Variants in TENM1 observed in about 807,000 individuals in gnomAD.
The protein encoded by TENM1 is teneurin-1.
TENM1 carries 35 observed loss-of-function variants against 174.8 expected under a neutral mutation model. That is an observed-to-expected ratio of 0.20 (90% CI 0.15 to 0.27). The LOEUF (loss-of-function observed/expected upper bound fraction) is 0.27, where lower values mean the gene tolerates loss of function less well. Ranked by LOEUF, TENM1 falls within the 10% of genes least tolerant of loss-of-function variation. The probability of loss-of-function intolerance (pLI) is 1.00; values close to 1 mark genes in which losing one functional copy is unlikely to be tolerated. For missense variants in TENM1, 1,633 were observed against 2,130.1 expected, an observed-to-expected ratio of 0.77 and a Z score of 4.59; for synonymous variants, 781 against 798.7, an observed-to-expected ratio of 0.98 and a Z score of 0.37.
At chrX:125,012,039 A>G in the TENM1 span, among the ~76,000 whole-genome samples, 6 of 111,791 alleles carry the variant, frequency 5.4e-5, no homozygotes, top group Middle Eastern at 4.6e-3. Context: ...TTGCAGGGAC[A>G]TGGATGAAAC....
chrX:124,527,859 T>C (rs1402610767), intron 16 of TENM1, among the ~76,000 whole-genome samples: 1 of 102,022 alleles, frequency 9.8e-6, no homozygotes, highest in Non-Finnish European at 2.0e-5. Context: ...GGTTTCACCG[T>C]GTTAGCCAGG....
At chrX:124,875,155 A>G (rs1363073530) in intron 3 of TENM1, among the ~76,000 whole-genome samples, 3 of 111,389 alleles carry the variant, frequency 2.7e-5, no homozygotes, top group African/African-American at 6.5e-5. Context: ...AGAAAAAAGT[A>G]TGGCTTTCTA....
intron 20 of TENM1, among the ~76,000 whole-genome samples, chrX:124,487,640 G>A (rs1569534268): frequency 1.8e-5 from 2 of 111,546 alleles, no homozygotes; most frequent in African/African-American, 3.3e-5. Flanking sequence ...TGGCAATTCT[G>A]ATGCAAAATA....
intron 1 of TENM1, among the ~76,000 whole-genome samples, chrX:124,939,763 T>C (rs999719992): frequency 8.9e-6 from 1 of 111,902 alleles, no homozygotes; most frequent in Non-Finnish European, 1.9e-5. Flanking sequence ...TTCTTCCCTC[T>C]GTCTGAATAA....
intron 3 of TENM1, among the ~76,000 whole-genome samples, chrX:124,756,880 T>C (rs1468795847): frequency 9.0e-6 from 1 of 111,572 alleles, no homozygotes; most frequent in Non-Finnish European, 1.9e-5. Context: ...CCCGGCCGTG[T>C]GAGGTGTCAG....
chrX:125,154,856 G>A, the TENM1 span, among the ~76,000 whole-genome samples: 5 of 110,311 alleles, frequency 4.5e-5, no homozygotes, highest in Non-Finnish European at 9.5e-5. Flanking sequence ...CGGTGCGTTC[G>A]TGGTCTCGCT....
intron 3 of TENM1, among the ~76,000 whole-genome samples, chrX:124,738,144 T>C (rs2053719646): frequency 8.9e-6 from 1 of 111,856 alleles, no homozygotes; most frequent in Non-Finnish European, 1.9e-5. Flanking sequence ...AGGAGAAACA[T>C]AATAGATGTC....
intron 22 of TENM1, among the ~76,000 whole-genome samples, chrX:124,475,462 C>T (rs905679194): frequency 9.0e-6 from 1 of 111,673 alleles, no homozygotes; most frequent in African/African-American, 3.3e-5. Context: ...GTGAGCTTCA[C>T]CAGTGATATT....
intron 3 of TENM1, among the ~76,000 whole-genome samples, chrX:124,822,913 T>G (rs1175467698): frequency 2.7e-5 from 3 of 112,193 alleles, no homozygotes; most frequent in Non-Finnish European, 5.6e-5. Flanking sequence ...TCCTGCTATC[T>G]TATGTCTTAT....
In TENM1 at chrX:124,896,342, A is replaced by C; in HGVS notation, c.218-101T>G. The C allele has an allele frequency of 4.3e-6, 4 of 923,439 alleles. No homozygotes were observed. The South Asian group carries it at 9.8e-5, about 23-fold the overall frequency. The allele number at this position is 923,439 out of a possible 1,213,427, so 76.1% of individuals were successfully genotyped here. A position where few individuals can be genotyped will look rare whatever the true frequency, so the allele number is the denominator to read the frequency against. Reference sequence around the variant, plus strand: ...CATTCCCCTCTCCCCCATTGGTAGTAATTACGTGTTTTTGCAAGTTAGAAT... The same window carrying C: ...CATTCCCCTCTCCCCCATTGGTAGTCATTACGTGTTTTTGCAAGTTAGAAT... On this transcript the variant is annotated intron_variant, in intron 1 of 31. Transcript: ENST00000422452.
At chrX:125,152,313 G>A in the TENM1 span, among the ~76,000 whole-genome samples, 1 of 111,125 alleles carries the variant, frequency 9.0e-6, no homozygotes, top group Non-Finnish European at 1.9e-5. Flanking sequence ...GAATGTATGG[G>A]AGTTTAAGAA....
At chrX:124,730,635 T>G (rs1318724983) in intron 4 of TENM1, among the ~76,000 whole-genome samples, 2 of 112,050 alleles carry the variant, frequency 1.8e-5, no homozygotes, top group Non-Finnish European at 3.8e-5. Context: ...ATGAGTGATT[T>G]CAACTCCATA....
intron 3 of TENM1, among the ~76,000 whole-genome samples, chrX:124,802,742 T>C (rs1273787912): frequency 8.9e-6 from 1 of 112,128 alleles, no homozygotes; most frequent in Non-Finnish European, 1.9e-5. Flanking sequence ...TTGGCCATCT[T>C]GGCCCCACCC....
At chrX:124,571,453 T>C (rs2049052273) in intron 11 of TENM1, among the ~76,000 whole-genome samples, 1 of 111,090 alleles carries the variant, frequency 9.0e-6, no homozygotes, top group Non-Finnish European at 1.9e-5. Flanking sequence ...GGACTACATA[T>C]AAGTAGATGA....
intron 1 of TENM1, among the ~76,000 whole-genome samples, chrX:124,908,952 G>A (rs1200743507): frequency 1.8e-5 from 2 of 109,649 alleles, no homozygotes; most frequent in Admixed American, 9.7e-5. Context: ...TCCACCTCCC[G>A]GGTTCAAGTG....
At chrX:124,434,659 C>G (rs912791900) in intron 23 of TENM1, among the ~76,000 whole-genome samples, 2 of 112,535 alleles carry the variant, frequency 1.8e-5, no homozygotes, top group Non-Finnish European at 3.7e-5. Context: ...TTAACCACTT[C>G]CAGTTTTCAA....
chrX:124,924,082 G>A (rs915699354), intron 1 of TENM1, among the ~76,000 whole-genome samples: 1 of 112,213 alleles, frequency 8.9e-6, no homozygotes, highest in South Asian at 3.7e-4. Context: ...GATGGATAAC[G>A]GGGAAAAGTC....
At chrX:124,773,999 A>G (rs1235486037) in intron 3 of TENM1, among the ~76,000 whole-genome samples, 1 of 111,948 alleles carries the variant, frequency 8.9e-6, no homozygotes, top group Non-Finnish European at 1.9e-5. Context: ...ATCACAACCT[A>G]AAGTTAAAAA....
At chrX:125,090,293 T>C in the TENM1 span, among the ~76,000 whole-genome samples, 2 of 111,463 alleles carry the variant, frequency 1.8e-5, no homozygotes, top group African/African-American at 3.3e-5. Flanking sequence ...CACCAGGCTA[T>C]TAAGGACAGA....
Sources: allele counts gnomAD v4.1 joint callset (sites outside exome capture counted in the v4.1 genomes callset), GRCh38; gene constraint gnomAD v4.1.1; transcripts MANE v1.5; gene names NCBI Gene and HGNC (gene_info 2026-07-23, HGNC 2026-07-21).